Variants in EMCN observed in about 807,000 individuals in gnomAD.
The protein encoded by EMCN is MUC-14.
A neutral mutation model predicts 38.4 loss-of-function variants in EMCN; 37 were observed. The observed-to-expected ratio is 0.96, with a 90% CI of 0.74 to 1.27. EMCN has a LOEUF of 1.27. Among genes scored for constraint, EMCN ranks in the 50% most tolerant of loss-of-function variants. EMCN has a pLI of 0.00. For synonymous variants in EMCN, 95 were observed against 100.8 expected, an observed-to-expected ratio of 0.94 and a Z score of 0.35; for missense variants, 318 against 302.8, an observed-to-expected ratio of 1.05 and a Z score of -0.37.
At chr4:100,504,399 C>T (rs527557370) in intron 1 of EMCN, among the ~76,000 whole-genome samples, 5 of 152,152 alleles carry the variant, frequency 3.3e-5, no homozygotes, top group African/African-American at 7.2e-5. Flanking sequence ...ACCGAGGGCA[C>T]GAACTTTTTC....
At chr4:100,504,030 C>A (rs1300304788) in intron 1 of EMCN, among the ~76,000 whole-genome samples, 1 of 152,040 alleles carries the variant, frequency 6.6e-6, no homozygotes, top group South Asian at 2.1e-4. Context: ...GTTTGATAAA[C>A]CCTGTAAACC....
chr4:100,516,246 T>C (rs1196197483), intron 1 of EMCN, among the ~76,000 whole-genome samples: 1 of 152,110 alleles, frequency 6.6e-6, no homozygotes, highest in African/African-American at 2.4e-5. Context: ...TGGATTGTCC[T>C]TCATCTTCAT....
chr4:100,481,141 G>A (rs867403785), intron 1 of EMCN, among the ~76,000 whole-genome samples: 2 of 152,094 alleles, frequency 1.3e-5, no homozygotes, highest in East Asian at 1.9e-4. Context: ...TATATACCAT[G>A]TTAGTTAAGA....
chr4:100,475,119 T>C lies in EMCN; in HGVS notation c.188-10A>G. ...TCATTGGTGATTGTTCCTAGTTTGA[T>C]AAAATAGATTAAATTATTATTAATC... On this transcript the variant is annotated splice_polypyrimidine_tract_variant and intron_variant, in intron 2 of 11. Coordinates refer to ENST00000296420, the MANE Select transcript of EMCN (RefSeq NM_016242.4). 1 of 1,333,262 alleles carries C rather than the reference T, an allele frequency of 7.5e-7. No individual in the cohort carries two copies. The highest frequency in any genetic ancestry group is 1.5e-5 in the African/African-American group (1 of 68,560). 82.6% of individuals were successfully genotyped at this position (1,333,262 alleles called of 1,614,324 possible). A position where few individuals can be genotyped will look rare whatever the true frequency, so the allele number is the denominator to read the frequency against.
At chr4:100,400,535 G>T (rs1000362693) in intron 11 of EMCN, among the ~76,000 whole-genome samples, 1 of 152,104 alleles carries the variant, frequency 6.6e-6, no homozygotes, top group South Asian at 2.1e-4. Flanking sequence ...ACTTCTATAA[G>T]CTCCTTGAGA....
chr4:100,501,511 A>T (rs778022198), intron 1 of EMCN, among the ~76,000 whole-genome samples: 1 of 152,100 alleles, frequency 6.6e-6, no homozygotes, highest in Non-Finnish European at 1.5e-5. Flanking sequence ...GAGTTATGTT[A>T]TCCTTTCCTG....
chr4:100,398,719 C>A (rs540513878), intron 11 of EMCN, among the ~76,000 whole-genome samples: 86 of 152,062 alleles, frequency 5.7e-4, no homozygotes, highest in Non-Finnish European at 1.1e-3. Context: ...AATCAATCAC[C>A]ACATCATGAA....
At chr4:100,482,459 T>C (rs980360083) in intron 1 of EMCN, among the ~76,000 whole-genome samples, 30 of 152,232 alleles carry the variant, frequency 2.0e-4, no homozygotes, top group African/African-American at 7.0e-4. Context: ...GCATGAATAA[T>C]GAATACTTCA....
intron 1 of EMCN, among the ~76,000 whole-genome samples, chr4:100,488,042 A>C (rs751231745): frequency 1.3e-5 from 2 of 152,176 alleles, no homozygotes; most frequent in African/African-American, 2.4e-5. Flanking sequence ...ATGAAATGGC[A>C]TGATGGAAGA....
chr4:100,515,549 GAAGAA>G (rs529695633), intron 1 of EMCN, among the ~76,000 whole-genome samples: 41 of 152,016 alleles, frequency 2.7e-4, no homozygotes, highest in Admixed American at 1.1e-3. Context: ...AAAAACATCA[GAAGAA>G]AAGAAAAGTA....
intron 8 of EMCN, among the ~76,000 whole-genome samples, chr4:100,419,534 A>G (rs1578399754): frequency 6.6e-6 from 1 of 152,302 alleles, no homozygotes; most frequent in Admixed American, 6.6e-5. Flanking sequence ...AACTTTTCAA[A>G]TAATACATTC....
Position 100,396,946 on chromosome 4 carries a change from T to C in EMCN, c.*1467A>G, listed in dbSNP as rs562136660. ...CTCTCTTCCTTTCCTTTCTTTCTTTTTTTTTTTTCTACTTCCCATCCTTCT... is the reference window on the plus strand; with the variant it reads ...CTCTCTTCCTTTCCTTTCTTTCTTTCTTTTTTTTCTACTTCCCATCCTTCT... On this transcript the variant is annotated 3_prime_UTR_variant, in exon 12 of 12. Transcript: ENST00000296420. The C allele has an allele frequency of 6.6e-6, 1 of 151,894 alleles. No individual in the cohort carries two copies. The highest frequency in any genetic ancestry group is 2.1e-4 in the South Asian group (1 of 4,808). 9.4% of individuals were successfully genotyped at this position (151,894 alleles called of 1,614,324 possible).
intron 1 of EMCN, among the ~76,000 whole-genome samples, chr4:100,493,488 G>A (rs1476285616): frequency 6.6e-6 from 1 of 152,038 alleles, no homozygotes; most frequent in Admixed American, 6.5e-5. Context: ...TGGGCTACTG[G>A]GAACTGCAGA....
chr4:100,511,634 G>C (rs1729627051), intron 1 of EMCN, among the ~76,000 whole-genome samples: 1 of 152,254 alleles, frequency 6.6e-6, no homozygotes, highest in South Asian at 2.1e-4. Flanking sequence ...ACAAAAGATT[G>C]ATCAAAGATA....
At chr4:100,483,594 A>G (rs915857812) in intron 1 of EMCN, 2 of 152,166 alleles carry the variant, frequency 1.3e-5, no homozygotes, top group Non-Finnish European at 1.5e-5. Context: ...TTCAAGCTTC[A>G]AAGGAAATTT....
At chr4:100,478,484 A>G (rs1028351523) in intron 2 of EMCN, among the ~76,000 whole-genome samples, 14 of 152,186 alleles carry the variant, frequency 9.2e-5, no homozygotes, top group Admixed American at 2.0e-4. Context: ...TAATGTATAG[A>G]AGTAAACTGG....
At chr4:100,497,400 G>A (rs1285818963) in intron 1 of EMCN, among the ~76,000 whole-genome samples, 3 of 151,058 alleles carry the variant, frequency 2.0e-5, no homozygotes, top group African/African-American at 4.9e-5. Flanking sequence ...TTTTTGAGAC[G>A]GAGTCTCGCC....
chr4:100,511,489 T>C (rs1052580772), intron 1 of EMCN, among the ~76,000 whole-genome samples: 1 of 152,142 alleles, frequency 6.6e-6, no homozygotes, highest in African/African-American at 2.4e-5. Context: ...ACATTTCAGT[T>C]GAGAAGTACA....
intron 3 of EMCN, among the ~76,000 whole-genome samples, chr4:100,466,462 T>G (rs1418591946): frequency 2.6e-5 from 4 of 152,244 alleles, no homozygotes; most frequent in Non-Finnish European, 5.9e-5. Flanking sequence ...GAGGAAGTCA[T>G]GCTGAAGAAA....
Sources: gnomAD v4.1 joint callset for allele counts (sites outside exome capture counted in the v4.1 genomes callset) on GRCh38, gnomAD v4.1.1 for gene constraint, MANE v1.5 for transcripts, NCBI Gene and HGNC (gene_info 2026-07-23, HGNC 2026-07-21) for gene names.